Variants in PTPRD observed in about 807,000 individuals in gnomAD.
PTPRD encodes the protein protein tyrosine phosphatase receptor type D.
PTPRD carries 34 observed loss-of-function variants against 214.5 expected under a neutral mutation model. That is an observed-to-expected ratio of 0.16 (90% CI 0.12 to 0.21). The LOEUF is 0.21. Among genes scored for constraint, PTPRD ranks in the 10% least tolerant of loss-of-function variants. PTPRD has a pLI of 1.00. For synonymous variants in PTPRD, 1,128 were observed against 845.7 expected, an observed-to-expected ratio of 1.33 and a Z score of -5.79; for missense variants, 2,545 against 2,398.7, an observed-to-expected ratio of 1.06 and a Z score of -1.27.
intron 2 of PTPRD, among the ~76,000 whole-genome samples, chr9:10,438,874 T>C (rs989303406): frequency 6.6e-6 from 1 of 151,874 alleles, no homozygotes; most frequent in Admixed American, 6.6e-5. Flanking sequence ...ATGACCATAG[T>C]TTCTGAAACT....
At chr9:9,264,974 T>A (rs1001712979) in intron 9 of PTPRD, among the ~76,000 whole-genome samples, 5 of 151,252 alleles carry the variant, frequency 3.3e-5, no homozygotes, top group Non-Finnish European at 5.9e-5. Flanking sequence ...AAGATAGAGT[T>A]TCACAGACAA....
intron 10 of PTPRD, among the ~76,000 whole-genome samples, chr9:9,154,342 TCA>T (rs2099879401): frequency 6.6e-6 from 1 of 152,206 alleles, no homozygotes; most frequent in Non-Finnish European, 1.5e-5. Context: ...ATTTGTTTTC[TCA>T]CACTTTTTGA....
At chr9:10,507,047 G>A (rs776729603) in intron 2 of PTPRD, among the ~76,000 whole-genome samples, 1 of 151,720 alleles carries the variant, frequency 6.6e-6, no homozygotes, top group Non-Finnish European at 1.5e-5. Flanking sequence ...TCCTGTTTTT[G>A]CCCATTCAGT....
At position 9,821,277 on chromosome 9, in the gene PTPRD, T is replaced by G. The variant is rs10119200; in HGVS notation, c.-367-54426A>C. On this transcript the variant is annotated intron_variant, in intron 5 of 45. Coordinates refer to ENST00000381196, the MANE Select transcript of PTPRD (RefSeq NM_002839.4). Reference sequence around the variant, plus strand: ...TAACATTGATTTTGTACCCTGAAACTTTACTGAAGTCAGTATTTTGAGACA... The same window carrying G: ...TAACATTGATTTTGTACCCTGAAACGTTACTGAAGTCAGTATTTTGAGACA... Among the ~76,000 whole-genome samples, 377 of 152,274 alleles carry G rather than the reference T, an allele frequency of 2.5e-3. 1 individual carries two copies. The highest frequency in any genetic ancestry group is 8.7e-3 in the African/African-American group (362 of 41,588).
chr9:8,442,551 C>T (rs1220221174), intron 34 of PTPRD, among the ~76,000 whole-genome samples: 2 of 152,058 alleles, frequency 1.3e-5, no homozygotes, highest in Admixed American at 1.3e-4. Flanking sequence ...ACAGTTTGTG[C>T]TTATGGACCA....
At chr9:10,527,337 TAA>T (rs1412396706) in intron 2 of PTPRD, among the ~76,000 whole-genome samples, 4 of 152,014 alleles carry the variant, frequency 2.6e-5, no homozygotes, top group Non-Finnish European at 5.9e-5. Context: ...ACAAATGAGA[TAA>T]GAGACTAGGT....
intron 7 of PTPRD, among the ~76,000 whole-genome samples, chr9:9,603,987 AT>A (rs946169165): frequency 3.3e-5 from 5 of 152,116 alleles, no homozygotes; most frequent in East Asian, 1.9e-4. Flanking sequence ...ACTCATTAAA[AT>A]TTTTTTTAAA....
intron 44 of PTPRD, 132 bp downstream of exon 44, chr9:8,331,450 A>G: frequency 9.6e-7 from 1 of 1,040,042 alleles, no homozygotes; most frequent in Non-Finnish European, 1.4e-6. Flanking sequence ...AGAGAAATCA[A>G]TCCTGCTTTA....
At position 8,915,870 on chromosome 9, in the gene PTPRD, C is replaced by G. The variant is rs562342667; in HGVS notation, c.-104+102827G>C. The stretch of plus-strand genomic sequence containing the variant: ...ATAAAAACACCCTTAGAGATTCACC[C>G]TGAATAATGTTTGACCCAATATCTG... On this transcript the variant is annotated intron_variant, in intron 11 of 45. Coordinates refer to ENST00000381196, the MANE Select transcript of PTPRD (RefSeq NM_002839.4). Among the ~76,000 whole-genome samples the G allele has an allele frequency of 2.6e-5, 4 of 152,304 alleles. No individual in the cohort carries two copies. The East Asian group carries it at 7.7e-4, about 29-fold the overall frequency.
chr9:10,506,202 T>C (rs571980182), intron 2 of PTPRD, among the ~76,000 whole-genome samples: 2 of 152,266 alleles, frequency 1.3e-5, no homozygotes, highest in Admixed American at 6.5e-5. Flanking sequence ...TCAAGACTTT[T>C]TTTATCACTT....
intron 12 of PTPRD, among the ~76,000 whole-genome samples, chr9:8,667,613 CAT>C (rs1027820883): frequency 2.6e-5 from 4 of 151,738 alleles, no homozygotes; most frequent in African/African-American, 9.7e-5. Flanking sequence ...GCATATAAGA[CAT>C]ATAAAATATA....
At chr9:9,008,905 A>G (rs1225751562) in intron 11 of PTPRD, among the ~76,000 whole-genome samples, 1 of 152,186 alleles carries the variant, frequency 6.6e-6, no homozygotes, top group East Asian at 1.9e-4. Context: ...ATTTTGCTTA[A>G]GATAAATTTT....
At chr9:10,283,798 GC>G (rs1278959909) in intron 3 of PTPRD, among the ~76,000 whole-genome samples, 1 of 152,106 alleles carries the variant, frequency 6.6e-6, no homozygotes, top group Non-Finnish European at 1.5e-5. Flanking sequence ...CAATCCTTAT[GC>G]TTTGCAACAC....
chr9:8,402,764 G>T (rs1191695565), intron 36 of PTPRD, among the ~76,000 whole-genome samples: 2 of 151,764 alleles, frequency 1.3e-5, no homozygotes, highest in African/African-American at 4.8e-5. Flanking sequence ...ATCCACATAT[G>T]TTAATTACAG....
At chr9:9,708,945 G>C (rs1426923687) in intron 7 of PTPRD, among the ~76,000 whole-genome samples, 3 of 151,868 alleles carry the variant, frequency 2.0e-5, no homozygotes, top group African/African-American at 7.2e-5. Context: ...ATCTTTCTTA[G>C]AGACTCTCCA....
intron 11 of PTPRD, among the ~76,000 whole-genome samples, chr9:8,965,514 C>G (rs909500057): frequency 1.3e-5 from 2 of 152,002 alleles, no homozygotes; most frequent in Admixed American, 6.6e-5. Context: ...TCTGGGAGCT[C>G]CAATGTTATT....
intron 39 of PTPRD, among the ~76,000 whole-genome samples, chr9:8,372,581 A>C (rs2081887726): frequency 6.6e-6 from 1 of 151,964 alleles, no homozygotes; most frequent in Non-Finnish European, 1.5e-5. Context: ...CTCAATGTTG[A>C]GATTCTATGC....
At chr9:9,811,041 C>T (rs757116849) in intron 5 of PTPRD, among the ~76,000 whole-genome samples, 1 of 151,894 alleles carries the variant, frequency 6.6e-6, no homozygotes, top group Non-Finnish European at 1.5e-5. Context: ...AGTTTGAGAC[C>T]AGCTTGAACA....
At chr9:9,748,367 T>C (rs966453413) in intron 6 of PTPRD, among the ~76,000 whole-genome samples, 3 of 152,190 alleles carry the variant, frequency 2.0e-5, no homozygotes, top group African/African-American at 7.2e-5. Context: ...CATAGAAGTG[T>C]TTAATAAATT....
Sources: gnomAD v4.1 joint callset for allele counts (sites outside exome capture counted in the v4.1 genomes callset) on GRCh38, gnomAD v4.1.1 for gene constraint, MANE v1.5 for transcripts, NCBI Gene and HGNC (gene_info 2026-07-23, HGNC 2026-07-21) for gene names.